KCNQ5: variants seen among roughly 807,000 people sequenced by gnomAD.
KCNQ5 encodes potassium voltage-gated channel subfamily Q member 5, also known as potassium voltage-gated channel subfamily KQT member 5.
A neutral mutation model predicts 98.2 loss-of-function variants in KCNQ5; 30 were observed. The observed-to-expected ratio is 0.31, with a 90% CI of 0.23 to 0.41. KCNQ5 has a LOEUF of 0.41. Among genes scored for constraint, KCNQ5 ranks in the 10% least tolerant of loss-of-function variants. KCNQ5 has a pLI of 1.00. For synonymous variants in KCNQ5, 458 were observed against 449.4 expected (o/e 1.02, Z -0.24); for missense variants, 835 against 1,182.5 (o/e 0.71, Z 4.31).
chr6:72,648,509 G>A (rs1765716274), intron 1 of KCNQ5, among the ~76,000 whole-genome samples: 1 of 152,136 alleles, frequency 6.6e-6, no homozygotes, highest in South Asian at 2.1e-4. Flanking sequence ...TTTATAGTGT[G>A]AGACGAACTA....
chr6:72,745,160 G>C (rs1388725024), intron 1 of KCNQ5, among the ~76,000 whole-genome samples: 3 of 151,924 alleles, frequency 2.0e-5, no homozygotes. Context: ...TTGTCTTATT[G>C]CTTTGCCATT....
At chr6:72,832,666 T>A (rs979462353) in intron 1 of KCNQ5, among the ~76,000 whole-genome samples, 1 of 152,182 alleles carries the variant, frequency 6.6e-6, no homozygotes, top group Non-Finnish European at 1.5e-5. Context: ...CAGAACCAAA[T>A]ACGCTCTCCC....
intron 1 of KCNQ5, among the ~76,000 whole-genome samples, chr6:72,763,524 A>T (rs745541470): frequency 6.6e-6 from 1 of 152,006 alleles, no homozygotes; most frequent in Non-Finnish European, 1.5e-5. Context: ...GGTGCCCTTT[A>T]TTGTCTTAAG....
intron 1 of KCNQ5, among the ~76,000 whole-genome samples, chr6:72,906,123 G>A (rs1779689542): frequency 6.6e-6 from 1 of 152,076 alleles, no homozygotes; most frequent in Non-Finnish European, 1.5e-5. Flanking sequence ...GAGTTATGTA[G>A]GTAGGAGGAT....
chr6:72,803,904 T>G (rs1325703744), intron 1 of KCNQ5, among the ~76,000 whole-genome samples: 3 of 152,096 alleles, frequency 2.0e-5, no homozygotes, highest in Admixed American at 6.6e-5. Flanking sequence ...TAGCTATAAA[T>G]AGATGCATTT....
chr6:72,868,022 C>T (rs144842011), intron 1 of KCNQ5, among the ~76,000 whole-genome samples: 275 of 152,010 alleles, frequency 1.8e-3, no homozygotes, highest in African/African-American at 6.1e-3. Context: ...GCAATTTAGA[C>T]CTGTTATTTG....
At chr6:72,895,284 G>A (rs1216637187) in intron 1 of KCNQ5, among the ~76,000 whole-genome samples, 2 of 147,378 alleles carry the variant, frequency 1.4e-5, no homozygotes, top group Non-Finnish European at 3.0e-5. Flanking sequence ...GCGAGACTCG[G>A]TCTCAAAAAA....
In KCNQ5 at chr6:72,841,071, T is replaced by C. The variant is rs558097513; in HGVS notation, c.399-162837T>C. Among the ~76,000 whole-genome samples, 5 of 152,310 alleles carry C rather than the reference T, an allele frequency of 3.3e-5. No homozygotes were observed. The South Asian group carries it at 1.0e-3, about 32-fold the overall frequency. ...GAGTAATTCATTACAATACGTAATA[T>C]AGAATTGCCAAGAAAGTCCAACTTA... On this transcript the variant is annotated intron_variant, in intron 1 of 13. Coordinates refer to ENST00000370398, the MANE Select transcript of KCNQ5 (RefSeq NM_019842.4).
intron 5 of KCNQ5, among the ~76,000 whole-genome samples, chr6:73,100,683 A>T (rs1379965389): frequency 6.6e-6 from 1 of 151,912 alleles, no homozygotes; most frequent in Non-Finnish European, 1.5e-5. Flanking sequence ...AAGAAAAAAA[A>T]AAAAGATAAA....
chr6:72,881,978 A>G (rs1247809220), intron 1 of KCNQ5, among the ~76,000 whole-genome samples: 2 of 152,200 alleles, frequency 1.3e-5, no homozygotes, highest in South Asian at 2.1e-4. Context: ...AGCGTGAGCC[A>G]CCACACCCGG....
chr6:72,832,500 C>G (rs1776323408), intron 1 of KCNQ5, among the ~76,000 whole-genome samples: 1 of 152,126 alleles, frequency 6.6e-6, no homozygotes, highest in African/African-American at 2.4e-5. Flanking sequence ...AGCCCCACAA[C>G]AAAGGATTCT....
intron 1 of KCNQ5, among the ~76,000 whole-genome samples, chr6:72,881,003 T>C (rs1026097160): frequency 6.6e-6 from 1 of 152,226 alleles, no homozygotes; most frequent in African/African-American, 2.4e-5. Context: ...GTCGACAAGA[T>C]TCTGTATACA....
At chr6:73,083,568 A>T (rs1388892863) in intron 5 of KCNQ5, among the ~76,000 whole-genome samples, 1 of 152,150 alleles carries the variant, frequency 6.6e-6, no homozygotes, top group Non-Finnish European at 1.5e-5. Context: ...ATAAGGCAGA[A>T]CCCCAATTGC....
chr6:72,982,182 A>G (rs113307340), intron 1 of KCNQ5, among the ~76,000 whole-genome samples: 197 of 152,334 alleles, frequency 1.3e-3, no homozygotes, highest in African/African-American at 4.5e-3. Flanking sequence ...TGCTTGGTGC[A>G]GAGCTGAGTT....
intron 2 of KCNQ5, among the ~76,000 whole-genome samples, chr6:73,025,893 A>G (rs1465314078): frequency 6.6e-6 from 1 of 152,180 alleles, no homozygotes; most frequent in Non-Finnish European, 1.5e-5. Flanking sequence ...TGAGCAGAAT[A>G]GTATTCACTT....
At chr6:73,150,064 TC>T (rs1357495689) in intron 10 of KCNQ5, among the ~76,000 whole-genome samples, 1 of 150,876 alleles carries the variant, frequency 6.6e-6, no homozygotes, top group Non-Finnish European at 1.5e-5. Context: ...GAAGAACATT[TC>T]ACCAAAGAGC....
intron 1 of KCNQ5, among the ~76,000 whole-genome samples, chr6:72,958,842 T>C (rs756717194): frequency 2.0e-5 from 3 of 152,156 alleles, no homozygotes; most frequent in Non-Finnish European, 2.9e-5. Context: ...CCATCCATAG[T>C]AACACATTAG....
intron 1 of KCNQ5, among the ~76,000 whole-genome samples, chr6:72,859,173 A>G (rs930411971): frequency 6.6e-6 from 1 of 152,190 alleles, no homozygotes; most frequent in Non-Finnish European, 1.5e-5. Flanking sequence ...AGACAGTTTT[A>G]TTATAATAGA....
chr6:72,736,865 T>G (rs1191660457), intron 1 of KCNQ5, among the ~76,000 whole-genome samples: 1 of 152,232 alleles, frequency 6.6e-6, no homozygotes, highest in Admixed American at 6.5e-5. Context: ...ATTATCATTT[T>G]CTTTTTAAAA....
Sources: allele counts gnomAD v4.1 joint callset (sites outside exome capture counted in the v4.1 genomes callset), GRCh38; gene constraint gnomAD v4.1.1; transcripts MANE v1.5; gene names NCBI Gene and HGNC (gene_info 2026-07-23, HGNC 2026-07-21).